The following NOX4 variants were observed in gnomAD, a reference collection of about 807,000 sequenced individuals.
The protein encoded by NOX4 is NADPH oxidase 4, also known as kidney oxidase-1.
NOX4 carries 69 observed loss-of-function variants against 87.6 expected under a neutral mutation model. That is an observed-to-expected ratio of 0.79 (90% CI 0.65 to 0.96). The LOEUF is 0.96. NOX4 is among the 40% of genes least tolerant of loss of function. NOX4 has a pLI of 0.00. For synonymous variants in NOX4, 275 were observed against 238.2 expected (o/e 1.15, Z -1.42); for missense variants, 680 against 681.5 (o/e 1.00, Z 0.02).
the NOX4 span, among the ~76,000 whole-genome samples, chr11:89,515,278 G>A: frequency 6.6e-6 from 1 of 151,790 alleles, no homozygotes; most frequent in African/African-American, 2.4e-5. Context: ...AATTTTTTTA[G>A]CGTGAGTTTT....
the NOX4 span, among the ~76,000 whole-genome samples, chr11:89,578,295 G>T: frequency 0.01 from 1,520 of 151,934 alleles, 28 homozygotes; most frequent in African/African-American, 0.035. Flanking sequence ...CTGAGTAGCC[G>T]GGACTACAGG....
intron 8 of NOX4, among the ~76,000 whole-genome samples, chr11:89,407,831 A>T (rs532707919): frequency 9.9e-5 from 15 of 152,228 alleles, no homozygotes; most frequent in African/African-American, 3.6e-4. Flanking sequence ...CAATGCCAGA[A>T]TCATCCCTAC....
chr11:89,486,991 T>C (rs923414539), intron 2 of NOX4, among the ~76,000 whole-genome samples: 1 of 152,178 alleles, frequency 6.6e-6, no homozygotes, highest in East Asian at 1.9e-4. Flanking sequence ...CTTTTTTTAA[T>C]GTGCTACTAG....
At chr11:89,356,663 A>G (rs551860685) in intron 12 of NOX4, among the ~76,000 whole-genome samples, 1 of 152,164 alleles carries the variant, frequency 6.6e-6, no homozygotes, top group South Asian at 2.1e-4. Flanking sequence ...TTGTGCTTCC[A>G]CCTTCACAGA....
intron 17 of NOX4, 122 bp from the exon 18 acceptor site, chr11:89,326,998 T>C (rs1590928056): frequency 1.2e-6 from 1 of 848,336 alleles, no homozygotes; most frequent in Non-Finnish European, 1.8e-6. Context: ...ATTTTACATA[T>C]TGAAAACAAT....
chr11:89,577,464 T>C, the NOX4 span: 2 of 152,186 alleles, frequency 1.3e-5, no homozygotes, highest in Admixed American at 1.3e-4. Flanking sequence ...AGAGTTACTA[T>C]TTGAAGATCT....
chr11:89,444,263 G>C (rs758959217), intron 4 of NOX4, 31 bp from the exon 5 acceptor site: 7 of 1,575,952 alleles, frequency 4.4e-6, no homozygotes, highest in Non-Finnish European at 6.1e-6. Context: ...TAAGTTAGTG[G>C]GATTTGCATA....
rs1421429799 is a variant in NOX4, at chr11:89,455,961, A to ACATG, written c.154-4070_154-4067dup. On this transcript the variant is annotated intron_variant, in intron 2 of 17. Coordinates refer to ENST00000263317, the MANE Select transcript of NOX4 (RefSeq NM_016931.5). ...GATGAAGAGGCAATGGTTAACAGGT[A>ACATG]CATGAACACAGTACCCATTAAAAGG... Among the ~76,000 whole-genome samples, 3 of 152,164 alleles carry ACATG rather than the reference A, an allele frequency of 2.0e-5. No homozygotes were observed. In the East Asian group the frequency reaches 5.8e-4, roughly 29 times the overall value.
At chr11:89,390,375 C>T (rs1445927406) in intron 11 of NOX4, among the ~76,000 whole-genome samples, 1 of 152,164 alleles carries the variant, frequency 6.6e-6, no homozygotes, top group Non-Finnish European at 1.5e-5. Flanking sequence ...CCTAAGCCTA[C>T]ATGATAAACA....
In NOX4 at chr11:89,454,696, G is replaced by A. The variant is rs1461625928; in HGVS notation, c.154-2801C>T. Among the ~76,000 whole-genome samples, 4 of 152,140 alleles carry A rather than the reference G, an allele frequency of 2.6e-5. No homozygotes were observed. The East Asian group carries it at 5.8e-4, about 22-fold the overall frequency. On this transcript the variant is annotated intron_variant, in intron 2 of 17. Transcript: ENST00000263317. Reference sequence around the variant, plus strand: ...TGGGCATAAATAAAAAGCAAAGCAGGAACAACAAAGATCTCATCTACAGAA... The same window carrying A: ...TGGGCATAAATAAAAAGCAAAGCAGAAACAACAAAGATCTCATCTACAGAA...
At chr11:89,572,919 C>A in the NOX4 span, among the ~76,000 whole-genome samples, 1 of 152,044 alleles carries the variant, frequency 6.6e-6, no homozygotes, top group Non-Finnish European at 1.5e-5. Flanking sequence ...TAGTCTTATA[C>A]TTTATAATCT....
intron 1 of NOX4, 84 bp from the exon 2 acceptor site, chr11:89,490,637 C>T (rs750937214): frequency 1.1e-6 from 1 of 952,246 alleles, no homozygotes; most frequent in South Asian, 1.3e-5. Context: ...GTAAATTCTT[C>T]GACACAGTGC....
chr11:89,348,287 T>C (rs1946303491), intron 13 of NOX4, among the ~76,000 whole-genome samples: 1 of 152,044 alleles, frequency 6.6e-6, no homozygotes, highest in South Asian at 2.1e-4. Flanking sequence ...TGGTAGCACA[T>C]GCCTGTAAGC....
intron 11 of NOX4, among the ~76,000 whole-genome samples, chr11:89,382,646 C>T (rs1309422880): frequency 1.3e-5 from 2 of 151,980 alleles, no homozygotes; most frequent in Non-Finnish European, 2.9e-5. Flanking sequence ...ACTGCTCCTC[C>T]TCAGGTCACT....
chr11:89,421,011 C>T (rs1217231453), intron 8 of NOX4, among the ~76,000 whole-genome samples: 1 of 152,124 alleles, frequency 6.6e-6, no homozygotes, highest in East Asian at 1.9e-4. Flanking sequence ...CAAGGTAGAC[C>T]ATGCTTACCC....
chr11:89,409,765 T>C (rs925793759), intron 8 of NOX4, among the ~76,000 whole-genome samples: 1 of 152,244 alleles, frequency 6.6e-6, no homozygotes, highest in Non-Finnish European at 1.5e-5. Context: ...TTAAAGATCA[T>C]AGTTATATAG....
upstream of NOX4, chr11:89,498,258 G>A (rs998107095): frequency 3.3e-5 from 5 of 152,158 alleles, no homozygotes; most frequent in African/African-American, 1.2e-4. Flanking sequence ...CAGCACAGAA[G>A]ATAGATAACA....
the NOX4 span, among the ~76,000 whole-genome samples, chr11:89,513,120 AGACCAACCT>A: frequency 6.6e-6 from 1 of 152,210 alleles, no homozygotes; most frequent in Admixed American, 6.6e-5. Flanking sequence ...CAGGAGTTCC[AGACCAACCT>A]GACCAACATG....
At chr11:89,452,090 T>C (rs1327437237) in intron 2 of NOX4, among the ~76,000 whole-genome samples, 195 bp from the exon 3 acceptor site, 1 of 152,182 alleles carries the variant, frequency 6.6e-6, no homozygotes, top group Non-Finnish European at 1.5e-5. Context: ...TGTTCTGCAC[T>C]GCCACAAAAC....
Sources: allele counts gnomAD v4.1 joint callset (sites outside exome capture counted in the v4.1 genomes callset), GRCh38; gene constraint gnomAD v4.1.1; transcripts MANE v1.5; gene names NCBI Gene and HGNC (gene_info 2026-07-23, HGNC 2026-07-21).